ADGRL3: variants seen among roughly 807,000 people sequenced by gnomAD.
ADGRL3 encodes adhesion G protein-coupled receptor L3.
In ADGRL3, 62 loss-of-function variants were observed where a neutral mutation model predicts 153.5. That is an observed-to-expected ratio of 0.40 (90% CI 0.33 to 0.50). ADGRL3 has a LOEUF of 0.50. ADGRL3 is among the 20% of genes least tolerant of loss of function. The pLI, the probability that ADGRL3 is intolerant of heterozygous loss-of-function variation, is 0.47. For missense variants in ADGRL3, 1,641 were observed against 1,859.4 expected, an observed-to-expected ratio of 0.88 and a Z score of 2.16; for synonymous variants, 710 against 672.5, an observed-to-expected ratio of 1.06 and a Z score of -0.86.
At chr4:62,035,300 G>A (rs1724396372) in intron 23 of ADGRL3, among the ~76,000 whole-genome samples, 2 of 152,100 alleles carry the variant, frequency 1.3e-5, no homozygotes, top group African/African-American at 2.4e-5. Flanking sequence ...AATAGCCCAC[G>A]ATGAATTATT....
At chr4:61,380,482 C>T (rs569532312) in intron 1 of ADGRL3, among the ~76,000 whole-genome samples, 27 of 152,024 alleles carry the variant, frequency 1.8e-4, no homozygotes, top group Non-Finnish European at 2.7e-4. Context: ...AATTGAATGT[C>T]ATTTTTATTT....
At chr4:61,273,952 T>G (rs983426105) in intron 1 of ADGRL3, among the ~76,000 whole-genome samples, 1 of 152,178 alleles carries the variant, frequency 6.6e-6, no homozygotes, top group Non-Finnish European at 1.5e-5. Flanking sequence ...AACTGAAAAT[T>G]CTGACTCTTA....
intron 9 of ADGRL3, among the ~76,000 whole-genome samples, chr4:61,850,424 A>C (rs1032539421): frequency 5.9e-5 from 9 of 152,168 alleles, no homozygotes; most frequent in Non-Finnish European, 1.2e-4. Flanking sequence ...TTAGTAAACT[A>C]TAAAGAATAG....
intron 13 of ADGRL3, among the ~76,000 whole-genome samples, chr4:61,918,250 G>T (rs1384947955): frequency 7.2e-5 from 11 of 152,206 alleles, no homozygotes. Context: ...TTGGAAGGAT[G>T]AAGTCGTGGT....
intron 23 of ADGRL3, among the ~76,000 whole-genome samples, chr4:62,035,352 G>A (rs1437285632): frequency 6.6e-6 from 1 of 152,038 alleles, no homozygotes; most frequent in African/African-American, 2.4e-5. Flanking sequence ...AGGAGGGAGA[G>A]TGGTTCTCTT....
chr4:61,886,316 C>T (rs1329926206), intron 9 of ADGRL3, among the ~76,000 whole-genome samples: 3 of 152,184 alleles, frequency 2.0e-5, no homozygotes, highest in Non-Finnish European at 1.5e-5. Context: ...CCAAAAGCTA[C>T]TGACAGCATT....
chr4:61,262,402 C>A (rs1336399520), intron 1 of ADGRL3, among the ~76,000 whole-genome samples: 6 of 152,004 alleles, frequency 3.9e-5, no homozygotes, highest in African/African-American at 1.4e-4. Flanking sequence ...TGTGTTATAT[C>A]AGTTATGGTT....
chr4:61,255,433 G>A (rs970574002), intron 1 of ADGRL3, among the ~76,000 whole-genome samples: 1 of 152,046 alleles, frequency 6.6e-6, no homozygotes, highest in Non-Finnish European at 1.5e-5. Flanking sequence ...AGTGAACTTG[G>A]CAATTGCCTT....
chr4:61,973,861 A>T (rs1276634554), intron 17 of ADGRL3, among the ~76,000 whole-genome samples: 1 of 152,100 alleles, frequency 6.6e-6, no homozygotes, highest in Non-Finnish European at 1.5e-5. Context: ...TTCTTGTTTT[A>T]TCATTTAAAA....
At chr4:61,637,301 A>G (rs1579994087) in intron 5 of ADGRL3, among the ~76,000 whole-genome samples, 1 of 152,310 alleles carries the variant, frequency 6.6e-6, no homozygotes, top group Non-Finnish European at 1.5e-5. Flanking sequence ...GTAGAAAACC[A>G]TGTGAAAATG....
intron 25 of ADGRL3, among the ~76,000 whole-genome samples, chr4:62,063,240 G>A (rs1490000985): frequency 3.3e-5 from 5 of 151,706 alleles, no homozygotes; most frequent in Non-Finnish European, 7.4e-5. Context: ...ATATATTCTT[G>A]CATACACCTT....
chr4:61,545,275 T>C (rs1456590202), intron 4 of ADGRL3, among the ~76,000 whole-genome samples: 1 of 152,030 alleles, frequency 6.6e-6, no homozygotes, highest in Admixed American at 6.6e-5. Context: ...GCAAAAGGAG[T>C]TCCCCTCCTT....
chr4:61,378,125 A>G (rs1305404852), intron 1 of ADGRL3, among the ~76,000 whole-genome samples: 5 of 151,852 alleles, frequency 3.3e-5, no homozygotes, highest in Admixed American at 2.0e-4. Context: ...CTATTTGGGG[A>G]TGGGAGAGAG....
At chr4:61,539,217 T>C (rs1376763437) in intron 4 of ADGRL3, among the ~76,000 whole-genome samples, 1 of 152,186 alleles carries the variant, frequency 6.6e-6, no homozygotes, top group Admixed American at 6.5e-5. Flanking sequence ...TTACTTTCAA[T>C]AGGGGTGCAG....
chr4:61,558,505 T>C (rs2098779168), intron 4 of ADGRL3, among the ~76,000 whole-genome samples: 1 of 151,928 alleles, frequency 6.6e-6, no homozygotes, highest in African/African-American at 2.4e-5. Flanking sequence ...TCTTTCTCTT[T>C]TTAGAGATCG....
At chr4:61,726,210 G>GTTTTTTTTTTGTTTTTTTTTTT (rs149472429) in intron 6 of ADGRL3, among the ~76,000 whole-genome samples, 1 of 118,526 alleles carries the variant, frequency 8.4e-6, no homozygotes, top group African/African-American at 3.1e-5. Flanking sequence ...TTTTTTTTTT[G>GTTTTTTTTTTGTTTTTTTTTTT]TTTTTTGAGA....
intron 2 of ADGRL3, among the ~76,000 whole-genome samples, chr4:61,419,599 A>G (rs2097179359): frequency 6.6e-6 from 1 of 152,158 alleles, no homozygotes; most frequent in South Asian, 2.1e-4. Context: ...CAGACTCCAC[A>G]TGCAAACTCC....
At chr4:61,407,051 C>T (rs1021154238) in intron 2 of ADGRL3, among the ~76,000 whole-genome samples, 1 of 151,982 alleles carries the variant, frequency 6.6e-6, no homozygotes, top group Non-Finnish European at 1.5e-5. Context: ...CTAAGGCATT[C>T]TAAGTTAGGC....
intron 6 of ADGRL3, among the ~76,000 whole-genome samples, chr4:61,692,181 A>G (rs2095551319): frequency 6.6e-6 from 1 of 152,170 alleles, no homozygotes; most frequent in South Asian, 2.1e-4. Context: ...TACTTTGCAT[A>G]TAATATTATC....
Sources: gnomAD v4.1 joint callset for allele counts (sites outside exome capture counted in the v4.1 genomes callset) on GRCh38, gnomAD v4.1.1 for gene constraint, MANE v1.5 for transcripts, NCBI Gene and HGNC (gene_info 2026-07-23, HGNC 2026-07-21) for gene names.